The following USP3 variants were observed in gnomAD, a reference collection of about 807,000 sequenced individuals.
The protein encoded by USP3 is ubiquitin carboxyl-terminal hydrolase 3.
In USP3, 20 loss-of-function variants were observed where a neutral mutation model predicts 72.3. The ratio of observed to expected loss-of-function variants is 0.28; its 90% CI spans 0.19 to 0.40. The LOEUF (loss-of-function observed/expected upper bound fraction) is 0.40, where lower values mean the gene tolerates loss of function less well. Ranked by LOEUF, USP3 falls within the 10% of genes least tolerant of loss-of-function variation. The pLI, the probability that USP3 is intolerant of heterozygous loss-of-function variation, is 1.00. For missense variants in USP3, 479 were observed against 633.9 expected (o/e 0.76, Z 2.62); for synonymous variants, 222 against 225.3 (o/e 0.99, Z 0.13).
At chr15:63,516,685 C>T (rs964109578) in intron 1 of USP3, among the ~76,000 whole-genome samples, 1 of 152,094 alleles carries the variant, frequency 6.6e-6, no homozygotes, top group African/African-American at 2.4e-5. Context: ...CTGATTTCCT[C>T]CTCCACATAT....
intron 1 of USP3, among the ~76,000 whole-genome samples, chr15:63,521,262 A>G (rs764514301): frequency 6.6e-6 from 1 of 152,052 alleles, no homozygotes; most frequent in Non-Finnish European, 1.5e-5. Context: ...GCGACAGTGA[A>G]TTCAACCCAT....
Position 63,566,373 on chromosome 15 carries a change from G to C in USP3, c.761+3365G>C, listed in dbSNP as rs141544435. 2.7e-4 allele frequency among the ~76,000 whole-genome samples: 41 copies of C among 151,580 alleles called. 1 individual carries two copies. The Middle Eastern group carries it at 0.014, about 51-fold the overall frequency. On this transcript the variant is annotated intron_variant, in intron 8 of 14. Coordinates refer to ENST00000380324, the MANE Select transcript of USP3 (RefSeq NM_006537.4). ...AGCCGAGACTGGAGTGCAGTGGCAT[G>C]ATCTGGGCTCACTGCAGGATCCTCT...
intron 3 of USP3, among the ~76,000 whole-genome samples, chr15:63,547,888 G>GAGAGAGAGAGAGAGAT (rs1555446525): frequency 1.4e-5 from 1 of 73,236 alleles, no homozygotes; most frequent in Non-Finnish European, 2.9e-5. Context: ...GAGAGAGAGA[G>GAGAGAGAGAGAGAGAT]AGAGAGAGGC....
At chr15:63,580,925 C>T (rs1229462944) in intron 11 of USP3, among the ~76,000 whole-genome samples, 1 of 151,730 alleles carries the variant, frequency 6.6e-6, no homozygotes, top group African/African-American at 2.4e-5. Context: ...TCTCCTGCCT[C>T]AGCCTCCCGA....
In USP3 at chr15:63,570,562, A is replaced by G; in HGVS notation, c.891A>G (p.Ala297=). The G allele has an allele frequency of 6.2e-7, 1 of 1,612,924 alleles. No individual in the cohort carries two copies. Among genetic ancestry groups the G allele is most frequent in the South Asian group, 1.1e-5 (1 of 90,876 alleles). The part of the protein sequence containing the change: ...AILQENSTLS[A]SNKCCINGAS... ...TGCAGGAGAATTCTACTCTGTCTGC[A>G]AGTAACAAGTGTTGCATGTAAGATT... The change falls in exon 9 of 15, where the codon GCA becomes GCG. Residue 297 remains alanine, a synonymous_variant. Coordinates refer to ENST00000380324, the MANE Select transcript of USP3 (RefSeq NM_006537.4). The surrounding 1 kb of genome is among the most constrained non-coding windows in gnomAD (Gnocchi z 4.4).
At chr15:63,508,309 C>G (rs1281082263) in intron 1 of USP3, among the ~76,000 whole-genome samples, 4 of 152,088 alleles carry the variant, frequency 2.6e-5, no homozygotes, top group Admixed American at 2.6e-4. Context: ...CTTAAGGCTA[C>G]CAACGTTTAT....
intron 1 of USP3, among the ~76,000 whole-genome samples, chr15:63,513,157 C>T (rs2065812340): frequency 6.6e-6 from 1 of 152,138 alleles, no homozygotes; most frequent in Non-Finnish European, 1.5e-5. Context: ...TTTAAGACAG[C>T]CTTCTTTGTA....
chr15:63,580,415 G>A (rs939379531), intron 11 of USP3, among the ~76,000 whole-genome samples: 5 of 151,732 alleles, frequency 3.3e-5, no homozygotes, highest in African/African-American at 1.2e-4. Flanking sequence ...TTGGGGGATA[G>A]TAAAAAATGC....
chr15:63,531,273 C>G (rs918026506), intron 1 of USP3, among the ~76,000 whole-genome samples: 6 of 152,148 alleles, frequency 3.9e-5, no homozygotes, highest in Admixed American at 3.3e-4. Flanking sequence ...GATGGTAAAG[C>G]TGGCTCCAAG....
At chr15:63,507,701 C>T (rs1056346837) in intron 1 of USP3, among the ~76,000 whole-genome samples, 1 of 152,176 alleles carries the variant, frequency 6.6e-6, no homozygotes, top group Non-Finnish European at 1.5e-5. Context: ...ATGGAAGGCA[C>T]TGTGTGTTGG....
At position 63,593,552 on chromosome 15, in the gene USP3, G is replaced by C. The variant is rs949647835; in HGVS notation, c.*2726G>C. ...GCAGAGTGGTCTTCAGACAGGTGATGCTGTTGGCTTAAGAGATGAACACGT... is the reference window on the plus strand; with the variant it reads ...GCAGAGTGGTCTTCAGACAGGTGATCCTGTTGGCTTAAGAGATGAACACGT... On this transcript the variant is annotated 3_prime_UTR_variant, in exon 15 of 15. Coordinates refer to ENST00000380324, the MANE Select transcript of USP3 (RefSeq NM_006537.4). 1 of 152,226 alleles carries C rather than the reference G, an allele frequency of 6.6e-6. No individual in the cohort carries two copies. Among genetic ancestry groups the C allele is most frequent in the African/African-American group, 2.4e-5 (1 of 41,452 alleles). 9.4% of individuals were successfully genotyped at this position (152,226 alleles called of 1,614,324 possible).
intron 11 of USP3, among the ~76,000 whole-genome samples, chr15:63,575,601 AC>A (rs1436682497): frequency 2.0e-5 from 3 of 152,202 alleles, no homozygotes; most frequent in African/African-American, 4.8e-5. Flanking sequence ...TTTGTTCCTT[AC>A]CTACACAACC....
intron 9 of USP3, among the ~76,000 whole-genome samples, chr15:63,572,265 T>C (rs1323876665): frequency 4.6e-5 from 7 of 152,204 alleles, no homozygotes. Context: ...AAGAACTACA[T>C]TGAGTCTAAA....
intron 11 of USP3, among the ~76,000 whole-genome samples, chr15:63,582,623 T>C (rs2066983529): frequency 1.3e-5 from 2 of 152,216 alleles, no homozygotes; most frequent in Admixed American, 6.5e-5. Context: ...CATTATCTTG[T>C]GCATAAATCA....
chr15:63,569,285 C>T (rs1209255299), intron 8 of USP3, among the ~76,000 whole-genome samples: 1 of 152,106 alleles, frequency 6.6e-6, no homozygotes, highest in Non-Finnish European at 1.5e-5. Context: ...TATTGATGAG[C>T]CTTAGAAGAA....
chr15:63,545,283 G>A (rs752301845), intron 3 of USP3, among the ~76,000 whole-genome samples: 1 of 151,972 alleles, frequency 6.6e-6, no homozygotes, highest in African/African-American at 2.4e-5. Flanking sequence ...TTCAGTGCAC[G>A]GTAGTAAAAT....
chr15:63,570,242 TA>T lies in USP3; in HGVS notation c.762-188del, dbSNP rs773901375. Among the ~76,000 whole-genome samples the T allele has an allele frequency of 3.3e-5, 5 of 152,372 alleles. No individual in the cohort carries two copies. The highest frequency in any genetic ancestry group is 6.5e-5 in the Admixed American group (1 of 15,310). Reference sequence around the variant, plus strand: ...TATTTTTTGGTTTTCAAACCTATCTTAAACAGTAGAATTCATTCTTGAAGAG... The same window carrying T: ...TATTTTTTGGTTTTCAAACCTATCTTAACAGTAGAATTCATTCTTGAAGAG... On this transcript the variant is annotated intron_variant, in intron 8 of 14. Transcript: ENST00000380324. This position sits in a 1 kb window ranked among gnomAD's most constrained non-coding sequence, Gnocchi z 4.4.
chr15:63,581,799 A>G (rs1217621576), intron 11 of USP3, among the ~76,000 whole-genome samples: 1 of 151,808 alleles, frequency 6.6e-6, no homozygotes, highest in Admixed American at 6.6e-5. Flanking sequence ...GTCTGAGGTG[A>G]TCCTCCCACC....
intron 1 of USP3, among the ~76,000 whole-genome samples, chr15:63,518,452 C>T (rs2065878433): frequency 6.6e-6 from 1 of 152,156 alleles, no homozygotes; most frequent in Non-Finnish European, 1.5e-5. Flanking sequence ...ATTTTTGGCT[C>T]TGTACATTGG....
Sources: allele counts gnomAD v4.1 joint callset (sites outside exome capture counted in the v4.1 genomes callset), GRCh38; gene constraint gnomAD v4.1.1; non-coding constraint Gnocchi (gnomAD v3.1); transcripts MANE v1.5; gene names NCBI Gene and HGNC (gene_info 2026-07-23, HGNC 2026-07-21).